MGAT4C: variants seen among roughly 807,000 people sequenced by gnomAD.
MGAT4C encodes the protein MGAT4 family member C, also known as alpha-1,3-mannosyl-glycoprotein 4-beta-N-acetylglucosaminyltransferase C.
Under a neutral mutation model 40.1 loss-of-function variants are expected in MGAT4C, and 19 were observed. The observed-to-expected ratio is 0.47, with a 90% CI of 0.33 to 0.70. The LOEUF is 0.70. Ranked by LOEUF, MGAT4C falls within the 30% of genes least tolerant of loss-of-function variation. The pLI is 0.02. For synonymous variants in MGAT4C, 181 were observed against 187.1 expected, an observed-to-expected ratio of 0.97 and a Z score of 0.27; for missense variants, 491 against 563.2, an observed-to-expected ratio of 0.87 and a Z score of 1.30.
intron 2 of MGAT4C, among the ~76,000 whole-genome samples, chr12:86,657,545 C>A (rs769057288): frequency 1.3e-5 from 2 of 151,770 alleles, no homozygotes; most frequent in Admixed American, 6.6e-5. Context: ...ATAACTATAG[C>A]ATTCAAAAGT....
At chr12:86,268,224 T>C (rs2136104296) in intron 4 of MGAT4C, among the ~76,000 whole-genome samples, 2 of 152,218 alleles carry the variant, frequency 1.3e-5, no homozygotes, top group Non-Finnish European at 2.9e-5. Context: ...ATTTTACAGA[T>C]GTGAAAAATG....
chr12:86,821,216 A>C (rs1233827644), intron 1 of MGAT4C, among the ~76,000 whole-genome samples: 1 of 150,896 alleles, frequency 6.6e-6, no homozygotes, highest in Non-Finnish European at 1.5e-5. Context: ...GAGACCTTGC[A>C]ATGTATTCTA....
chr12:86,380,907 A>G (rs1955915615), intron 3 of MGAT4C, among the ~76,000 whole-genome samples: 3 of 152,202 alleles, frequency 2.0e-5, no homozygotes, highest in Admixed American at 1.3e-4. Flanking sequence ...AAAGACATTT[A>G]TTTCCTCTTT....
intron 3 of MGAT4C, among the ~76,000 whole-genome samples, chr12:86,339,075 T>C (rs1954851279): frequency 6.6e-6 from 1 of 151,958 alleles, no homozygotes; most frequent in African/African-American, 2.4e-5. Flanking sequence ...TGTCATTTAA[T>C]GCCGAAAACA....
chr12:86,718,413 C>A (rs538383070), intron 2 of MGAT4C, among the ~76,000 whole-genome samples: 88 of 152,118 alleles, frequency 5.8e-4, no homozygotes, highest in Non-Finnish European at 9.0e-4. Flanking sequence ...GTCTTTCATG[C>A]AGCAGCAGTC....
chr12:86,416,305 T>A (rs767290291), intron 3 of MGAT4C, among the ~76,000 whole-genome samples: 1 of 152,122 alleles, frequency 6.6e-6, no homozygotes, highest in African/African-American at 2.4e-5. Flanking sequence ...ATTTACATTC[T>A]GAGATAAAAA....
intron 1 of MGAT4C, among the ~76,000 whole-genome samples, chr12:86,759,451 G>T (rs910469310): frequency 3.3e-5 from 5 of 151,982 alleles, no homozygotes; most frequent in Non-Finnish European, 7.4e-5. Context: ...AATTATCTGA[G>T]GAACCTCCTT....
chr12:86,565,920 C>G (rs1356066851), intron 2 of MGAT4C, among the ~76,000 whole-genome samples: 1 of 152,136 alleles, frequency 6.6e-6, no homozygotes, highest in Non-Finnish European at 1.5e-5. Flanking sequence ...GCAACATGGA[C>G]TTCCACTCAC....
intron 1 of MGAT4C, among the ~76,000 whole-genome samples, chr12:86,199,868 T>C (rs947579628): frequency 1.3e-5 from 2 of 152,270 alleles, no homozygotes; most frequent in African/African-American, 4.8e-5. Context: ...ACAATGTTTA[T>C]AAATTAATGT....
chr12:86,289,076 T>C (rs1271361591), intron 4 of MGAT4C, among the ~76,000 whole-genome samples: 1 of 152,084 alleles, frequency 6.6e-6, no homozygotes, highest in Non-Finnish European at 1.5e-5. Context: ...TCCATCTTGA[T>C]TTTTGTATAT....
At chr12:86,509,137 T>C (rs1399842133) in intron 2 of MGAT4C, among the ~76,000 whole-genome samples, 1 of 152,214 alleles carries the variant, frequency 6.6e-6, no homozygotes, top group Admixed American at 6.5e-5. Context: ...TCCTTGACCA[T>C]GCCTATGTCC....
At chr12:86,276,810 T>C (rs1319393238) in intron 4 of MGAT4C, among the ~76,000 whole-genome samples, 1 of 152,216 alleles carries the variant, frequency 6.6e-6, no homozygotes, top group Non-Finnish European at 1.5e-5. Context: ...GTATACATAC[T>C]ACATGTTCTT....
chr12:86,714,860 C>T (rs376314286), intron 2 of MGAT4C, among the ~76,000 whole-genome samples: 33 of 151,104 alleles, frequency 2.2e-4, no homozygotes, highest in South Asian at 1.5e-3. Flanking sequence ...AAAGATGTAA[C>T]GAGAATAAGA....
At chr12:86,351,198 C>A (rs190081967) in intron 3 of MGAT4C, among the ~76,000 whole-genome samples, 1 of 151,984 alleles carries the variant, frequency 6.6e-6, no homozygotes, top group African/African-American at 2.4e-5. Flanking sequence ...TAGTTCCAAA[C>A]CTAGGCCAAA....
chr12:86,682,134 A>G (rs1949994386), intron 2 of MGAT4C, among the ~76,000 whole-genome samples: 1 of 152,096 alleles, frequency 6.6e-6, no homozygotes, highest in African/African-American at 2.4e-5. Flanking sequence ...TGATAGTTTC[A>G]TATATAGTTC....
intron 2 of MGAT4C, among the ~76,000 whole-genome samples, chr12:86,659,884 G>A (rs888335387): frequency 1.3e-5 from 2 of 151,696 alleles, no homozygotes; most frequent in African/African-American, 4.8e-5. Flanking sequence ...AGGTTTGCTG[G>A]GGGAATTAAA....
At chr12:86,747,906 A>C (rs777975421) in intron 1 of MGAT4C, among the ~76,000 whole-genome samples, 2 of 151,560 alleles carry the variant, frequency 1.3e-5, no homozygotes, top group Non-Finnish European at 3.0e-5. Context: ...CTATCCACAC[A>C]ATGAATGTGG....
intron 2 of MGAT4C, among the ~76,000 whole-genome samples, chr12:86,566,531 C>CATATATAT (rs71078910): frequency 2.5e-5 from 1 of 39,826 alleles, no homozygotes; most frequent in Non-Finnish European, 5.6e-5. Flanking sequence ...AACTCATATA[C>CATATATAT]ATATATATAT....
At chr12:86,276,815 G>C (rs1592634678) in intron 4 of MGAT4C, among the ~76,000 whole-genome samples, 1 of 152,208 alleles carries the variant, frequency 6.6e-6, no homozygotes, top group Admixed American at 6.5e-5. Flanking sequence ...CATACTACAT[G>C]TTCTTTATCC....
Sources: allele counts gnomAD v4.1 joint callset (sites outside exome capture counted in the v4.1 genomes callset), GRCh38; gene constraint gnomAD v4.1.1; transcripts MANE v1.5; gene names NCBI Gene and HGNC (gene_info 2026-07-23, HGNC 2026-07-21).